The following GALNT13 variants were observed in gnomAD, a reference collection of about 807,000 sequenced individuals.
The protein encoded by GALNT13 is UDP-GalNAc:polypeptide N-acetylgalactosaminyltransferase 13.
A neutral mutation model predicts 64.2 loss-of-function variants in GALNT13; 28 were observed. The observed-to-expected ratio is 0.44, with a 90% CI of 0.32 to 0.60. The LOEUF (loss-of-function observed/expected upper bound fraction) is 0.60, where lower values mean the gene tolerates loss of function less well. Among genes scored for constraint, GALNT13 ranks in the 20% least tolerant of loss-of-function variants. GALNT13 has a pLI of 0.05. For missense variants in GALNT13, 577 were observed against 669.8 expected (o/e 0.86, Z 1.53); for synonymous variants, 214 against 224.6 (o/e 0.95, Z 0.42).
chr2:153,372,601 G>T, the GALNT13 span, among the ~76,000 whole-genome samples: 1 of 151,546 alleles, frequency 6.6e-6, no homozygotes, highest in Non-Finnish European at 1.5e-5. Context: ...AGCCGAGATC[G>T]TGCCACTGCA....
intron 8 of GALNT13, among the ~76,000 whole-genome samples, chr2:154,290,588 T>G (rs978840600): frequency 3.9e-5 from 6 of 152,182 alleles, no homozygotes; most frequent in Non-Finnish European, 7.3e-5. Flanking sequence ...AGGAAGCTGA[T>G]AGGAAAGCCT....
intron 3 of GALNT13, among the ~76,000 whole-genome samples, chr2:154,133,501 TCTAA>T (rs1346499844): frequency 2.1e-5 from 3 of 140,026 alleles, no homozygotes; most frequent in Admixed American, 1.5e-4. Flanking sequence ...ACTCAATTCA[TCTAA>T]CTTTTTTTCA....
chr2:154,293,351 G>T (rs1018282594), intron 8 of GALNT13, among the ~76,000 whole-genome samples: 1 of 152,066 alleles, frequency 6.6e-6, no homozygotes. Flanking sequence ...CATAACTCCT[G>T]GACATTGATG....
At chr2:154,449,426 CAAAAAAAAAA>C (rs201483247) in intron 12 of GALNT13, among the ~76,000 whole-genome samples, 1 of 105,872 alleles carries the variant, frequency 9.4e-6, no homozygotes, top group African/African-American at 3.4e-5. Context: ...TATCATGAGC[CAAAAAAAAAA>C]AAAAAAAAAA....
intron 8 of GALNT13, chr2:154,287,146 C>T: frequency 1.4e-6 from 2 of 1,463,798 alleles, no homozygotes; most frequent in Non-Finnish European, 1.9e-6. Context: ...AGAAGGAGTT[C>T]ACAGAAGCGG....
intron 10 of GALNT13, among the ~76,000 whole-genome samples, chr2:154,397,048 A>G (rs1699088241): frequency 6.6e-6 from 1 of 151,750 alleles, no homozygotes; most frequent in Non-Finnish European, 1.5e-5. Context: ...CAAGAATTAT[A>G]TTTCCTTTAT....
the GALNT13 span, among the ~76,000 whole-genome samples, chr2:153,604,522 A>G: frequency 1.3e-5 from 2 of 152,194 alleles, no homozygotes; most frequent in African/African-American, 4.8e-5. Context: ...CAACTAAAAC[A>G]AAACTTGCTT....
chr2:154,388,866 T>A (rs1698643259), intron 9 of GALNT13, among the ~76,000 whole-genome samples: 1 of 152,196 alleles, frequency 6.6e-6, no homozygotes, highest in African/African-American at 2.4e-5. Context: ...TCCTGTAATG[T>A]GAATATATAT....
the GALNT13 span, among the ~76,000 whole-genome samples, chr2:153,501,300 TG>T: frequency 6.6e-6 from 1 of 152,106 alleles, no homozygotes; most frequent in African/African-American, 2.4e-5. Flanking sequence ...CCTTTTTTGT[TG>T]TTGTTGTTGT....
At chr2:153,796,367 C>T in the GALNT13 span, among the ~76,000 whole-genome samples, 12 of 152,248 alleles carry the variant, frequency 7.9e-5, no homozygotes, top group South Asian at 1.2e-3. Context: ...GTGCTGGGAT[C>T]CTGCTTTATG....
chr2:154,074,497 A>G (rs1700889258), intron 3 of GALNT13, among the ~76,000 whole-genome samples: 1 of 151,972 alleles, frequency 6.6e-6, no homozygotes. Context: ...TTTGAAGAAC[A>G]TAGCCCACTG....
chr2:153,586,599 A>C, the GALNT13 span, among the ~76,000 whole-genome samples: 1 of 152,294 alleles, frequency 6.6e-6, no homozygotes, highest in African/African-American at 2.4e-5. Context: ...GGAGACTTCA[A>C]CACCCCAATC....
At chr2:153,469,198 T>G in the GALNT13 span, among the ~76,000 whole-genome samples, 1 of 152,090 alleles carries the variant, frequency 6.6e-6, no homozygotes, top group South Asian at 2.1e-4. Context: ...CCATTAAGTA[T>G]GTTGCAAACA....
the GALNT13 span, among the ~76,000 whole-genome samples, chr2:153,327,726 A>T: frequency 3.0e-3 from 454 of 151,904 alleles, 18 homozygotes; most frequent in East Asian, 0.081. Context: ...GCTTCCTTGC[A>T]TTGTGTTAGA....
At chr2:153,833,124 T>C in the GALNT13 span, among the ~76,000 whole-genome samples, 5 of 152,298 alleles carry the variant, frequency 3.3e-5, no homozygotes, top group African/African-American at 1.2e-4. Flanking sequence ...AGCATCTCCA[T>C]GCTGACTATG....
At chr2:153,488,937 T>C in the GALNT13 span, among the ~76,000 whole-genome samples, 1 of 152,196 alleles carries the variant, frequency 6.6e-6, no homozygotes, top group Non-Finnish European at 1.5e-5. Context: ...TGTGAGGACA[T>C]AGCAAGCATA....
the GALNT13 span, among the ~76,000 whole-genome samples, chr2:153,095,148 G>T: frequency 1.3e-5 from 2 of 152,120 alleles, no homozygotes; most frequent in African/African-American, 4.8e-5. Context: ...ATCTGATAAA[G>T]GGCTAATATC....
the GALNT13 span, among the ~76,000 whole-genome samples, chr2:153,529,237 C>T: frequency 6.6e-6 from 1 of 151,886 alleles, no homozygotes; most frequent in African/African-American, 2.4e-5. Context: ...GACATTACAA[C>T]TGATACTGCA....
At chr2:153,276,154 T>C in the GALNT13 span, among the ~76,000 whole-genome samples, 1 of 152,172 alleles carries the variant, frequency 6.6e-6, no homozygotes, top group Non-Finnish European at 1.5e-5. Flanking sequence ...AAATGTATTA[T>C]ATAAAACATG....
Sources: gnomAD v4.1 joint callset for allele counts (sites outside exome capture counted in the v4.1 genomes callset) on GRCh38, gnomAD v4.1.1 for gene constraint, MANE v1.5 for transcripts, NCBI Gene and HGNC (gene_info 2026-07-23, HGNC 2026-07-21) for gene names.